SYN3: variants seen among roughly 807,000 people sequenced by gnomAD.
SYN3 encodes synapsin-3.
Under a neutral mutation model 65.8 loss-of-function variants are expected in SYN3, and 35 were observed. The observed-to-expected ratio is 0.53, with a 90% CI of 0.41 to 0.70. The LOEUF (loss-of-function observed/expected upper bound fraction) is 0.70, where lower values mean the gene tolerates loss of function less well. Among genes scored for constraint, SYN3 ranks in the 30% least tolerant of loss-of-function variants. SYN3 has a pLI of 0.00. For missense variants in SYN3, 680 were observed against 749.0 expected (o/e 0.91, Z 1.08); for synonymous variants, 270 against 292.9 (o/e 0.92, Z 0.80).
chr22:32,861,190 G>A (rs2048527615), intron 6 of SYN3: 1 of 148,646 alleles, frequency 6.7e-6, no homozygotes, highest in Non-Finnish European at 1.5e-5. Context: ...AAAAAAAAAA[G>A]CAGCAGACAA....
At chr22:32,789,239 C>T (rs113755929) in intron 6 of SYN3, among the ~76,000 whole-genome samples, 2 of 152,324 alleles carry the variant, frequency 1.3e-5, no homozygotes, top group African/African-American at 4.8e-5. Flanking sequence ...AAATCAGCCC[C>T]CAATCACTGC....
At chr22:33,009,751 AACACACACACAC>A (rs58156623) in intron 1 of SYN3, among the ~76,000 whole-genome samples, 14,034 of 141,206 alleles carry the variant, frequency 0.099, 841 homozygotes, top group East Asian at 0.31. Flanking sequence ...TACGTATCTA[AACACACACACAC>A]ACACACACAC....
At chr22:32,524,955 C>T (rs969048433) in intron 12 of SYN3, among the ~76,000 whole-genome samples, 4 of 152,062 alleles carry the variant, frequency 2.6e-5, no homozygotes, top group Non-Finnish European at 5.9e-5. Context: ...GTGGAGCTTG[C>T]GGTCAGCCGA....
intron 4 of SYN3, among the ~76,000 whole-genome samples, chr22:32,918,355 G>A (rs1204472932): frequency 6.6e-6 from 1 of 152,188 alleles, no homozygotes; most frequent in Non-Finnish European, 1.5e-5. Context: ...ATAGCTGTTG[G>A]TGAAGGGCTG....
chr22:32,509,080 T>C lies in SYN3; in HGVS notation c.*4612A>G, dbSNP rs1048574662. ...TAGTAATGAAGAGAATCTAGGGAAC[T>C]GATGGAAGAGAAAGGATATGCCACT... On this transcript the variant is annotated 3_prime_UTR_variant, in exon 14 of 14. Transcript: ENST00000358763. 6.6e-6 allele frequency among the ~76,000 whole-genome samples: 1 copy of C among 152,234 alleles called. No homozygotes were observed. The highest frequency in any genetic ancestry group is 1.5e-5 in the Non-Finnish European group (1 of 68,036).
intron 9 of SYN3, 121 bp downstream of exon 9, chr22:32,537,915 T>C (rs2058191994): frequency 2.5e-6 from 2 of 791,444 alleles, no homozygotes; most frequent in Non-Finnish European, 4.2e-6. Flanking sequence ...AAAAGTGCTC[T>C]GTGGATGGTG....
chr22:32,613,481 G>A (rs966055749), intron 6 of SYN3, among the ~76,000 whole-genome samples: 1 of 152,134 alleles, frequency 6.6e-6, no homozygotes, highest in Admixed American at 6.6e-5. Flanking sequence ...GGGAAGCTTT[G>A]AGACCTGGAG....
intron 7 of SYN3, among the ~76,000 whole-genome samples, chr22:32,567,729 C>A (rs1373055458): frequency 6.6e-6 from 1 of 152,096 alleles, no homozygotes; most frequent in Non-Finnish European, 1.5e-5. Flanking sequence ...GGTTGACGAG[C>A]CTCAGAGGCA....
chr22:33,005,221 T>A (rs1346459291), intron 2 of SYN3, among the ~76,000 whole-genome samples: 1 of 152,192 alleles, frequency 6.6e-6, no homozygotes, highest in Non-Finnish European at 1.5e-5. Flanking sequence ...ATACACCTAC[T>A]ATGTGGCCAC....
At chr22:32,788,883 T>C (rs1358287460) in intron 6 of SYN3, among the ~76,000 whole-genome samples, 1 of 152,192 alleles carries the variant, frequency 6.6e-6, no homozygotes, top group African/African-American at 2.4e-5. Context: ...TGCATCTTGG[T>C]GCACCCACCT....
intron 7 of SYN3, among the ~76,000 whole-genome samples, chr22:32,565,387 A>C (rs2058658815): frequency 6.6e-6 from 1 of 152,224 alleles, no homozygotes; most frequent in Admixed American, 6.5e-5. Flanking sequence ...AAAAGTAAAA[A>C]GAAATAGGTG....
intron 6 of SYN3, among the ~76,000 whole-genome samples, chr22:32,604,331 TTC>T (rs1307135422): frequency 6.6e-6 from 1 of 152,200 alleles, no homozygotes; most frequent in African/African-American, 2.4e-5. Flanking sequence ...CCCCCATGTC[TTC>T]TGTTTCATCT....
intron 6 of SYN3, among the ~76,000 whole-genome samples, chr22:32,660,477 C>G (rs1601861341): frequency 6.6e-6 from 1 of 152,142 alleles, no homozygotes; most frequent in African/African-American, 2.4e-5. Flanking sequence ...AAACAGCACC[C>G]TGTGTTGGTG....
At chr22:32,797,099 G>A (rs975603466) in intron 6 of SYN3, among the ~76,000 whole-genome samples, 1 of 152,104 alleles carries the variant, frequency 6.6e-6, no homozygotes, top group Non-Finnish European at 1.5e-5. Context: ...GTGCTCTCCC[G>A]CCCTCGCAGT....
chr22:32,643,771 G>A (rs1445335523), intron 6 of SYN3, among the ~76,000 whole-genome samples: 1 of 151,668 alleles, frequency 6.6e-6, no homozygotes, highest in Non-Finnish European at 1.5e-5. Context: ...ACAGTTCAGA[G>A]CATTTACTGA....
chr22:32,843,921 T>G (rs989159083), intron 6 of SYN3, among the ~76,000 whole-genome samples: 3 of 151,944 alleles, frequency 2.0e-5, no homozygotes, highest in Admixed American at 2.0e-4. Context: ...GAGACAGGAA[T>G]GGGGGTGTTG....
chr22:32,992,575 G>A (rs1486684527), intron 2 of SYN3, among the ~76,000 whole-genome samples: 3 of 152,282 alleles, frequency 2.0e-5, no homozygotes, highest in African/African-American at 7.2e-5. Flanking sequence ...CACTTTGGGA[G>A]GCCAAGGCAG....
intron 7 of SYN3, among the ~76,000 whole-genome samples, chr22:32,581,792 C>CTTTTTTTTTTTT (rs10716395): frequency 2.5e-4 from 21 of 84,320 alleles, no homozygotes; most frequent in Non-Finnish European, 4.0e-4. Context: ...TTCTTTCTTT[C>CTTTTTTTTTTTT]TTTTTTTTTT....
chr22:32,619,245 C>T (rs921619629), intron 6 of SYN3, among the ~76,000 whole-genome samples: 3 of 152,108 alleles, frequency 2.0e-5, no homozygotes, highest in Non-Finnish European at 2.9e-5. Context: ...GTGGCTAAGT[C>T]GCTTTACCAC....
Sources: allele counts gnomAD v4.1 joint callset (sites outside exome capture counted in the v4.1 genomes callset), GRCh38; gene constraint gnomAD v4.1.1; transcripts MANE v1.5; gene names NCBI Gene and HGNC (gene_info 2026-07-23, HGNC 2026-07-21).